The following BID variants were observed in gnomAD, a reference collection of about 807,000 sequenced individuals.
BID encodes BH3-interacting domain death agonist.
In BID, 19 loss-of-function variants were observed where a neutral mutation model predicts 17.4. The observed-to-expected ratio is 1.09, with a 90% CI of 0.76 to 1.60. The LOEUF is 1.60. Ranked by LOEUF, BID falls within the 40% of genes most tolerant of loss-of-function variation. The pLI is 0.00. For synonymous variants in BID, 108 were observed against 102.8 expected, an observed-to-expected ratio of 1.05 and a Z score of -0.31; for missense variants, 226 against 256.0, an observed-to-expected ratio of 0.88 and a Z score of 0.80.
chr22:17,755,657 C>G (rs1034743266), intron 1 of BID, among the ~76,000 whole-genome samples: 5 of 151,716 alleles, frequency 3.3e-5, no homozygotes, highest in African/African-American at 1.2e-4. Flanking sequence ...AAAAATTAGC[C>G]GGGTGTGGTG....
Position 17,735,429 on chromosome 22 carries a change from A to ACC in BID, c.*150_*151insGG. On this transcript the variant is annotated 3_prime_UTR_variant, in exon 6 of 6. Transcript: ENST00000622694. Reference sequence around the variant, plus strand: ...TATTTTAAAGTGGGTTATAAGTTTAACATTGTCTTTAAAATAGAAGTCACA... The same window carrying ACC: ...TATTTTAAAGTGGGTTATAAGTTTAACCCATTGTCTTTAAAATAGAAGTCACA... The ACC allele has an allele frequency of 7.4e-6, 6 of 810,566 alleles. No homozygotes were observed. The highest frequency in any genetic ancestry group is 1.2e-5 in the Non-Finnish European group (6 of 503,938). The allele number at this position is 810,566 out of a possible 1,614,324, so 50.2% of individuals were successfully genotyped here.
At chr22:17,772,856 A>C (rs1601888993) in intron 1 of BID, among the ~76,000 whole-genome samples, 2 of 146,062 alleles carry the variant, frequency 1.4e-5, no homozygotes, top group East Asian at 2.0e-4. Context: ...CCCCCATACC[A>C]CCCTGGGGCC....
intron 1 of BID, among the ~76,000 whole-genome samples, chr22:17,765,266 G>T (rs940452077): frequency 1.3e-5 from 2 of 152,088 alleles, no homozygotes; most frequent in Non-Finnish European, 2.9e-5. Flanking sequence ...CTGTGAGGTA[G>T]GTCAGTATGA....
chr22:17,769,017 G>C lies in BID; in HGVS notation c.-59+5364C>G, dbSNP rs1700126004. The stretch of plus-strand genomic sequence containing the variant: ...AGATCGTGCCACTGCACTCCAGCCT[G>C]GGCGACAGAGTGAGACTCGTCTCAA... On this transcript the variant is annotated intron_variant, in intron 1 of 5. Coordinates refer to ENST00000622694, the MANE Select transcript of BID (RefSeq NM_001196.4). The surrounding 1 kb of genome is among the most constrained non-coding windows in gnomAD (Gnocchi z 4.8). Among the ~76,000 whole-genome samples, 1 of 151,978 alleles carries C rather than the reference G, an allele frequency of 6.6e-6. No individual in the cohort carries two copies. Among genetic ancestry groups the C allele is most frequent in the Non-Finnish European group, 1.5e-5 (1 of 68,000 alleles).
chr22:17,752,758 C>A (rs1303291869), intron 1 of BID, among the ~76,000 whole-genome samples: 1 of 152,022 alleles, frequency 6.6e-6, no homozygotes, highest in African/African-American at 2.4e-5. Flanking sequence ...CTCCACTTCC[C>A]GGGTTCCAGG....
intron 2 of BID, among the ~76,000 whole-genome samples, 173 bp downstream of exon 2, chr22:17,749,932 C>T (rs540977933): frequency 1.3e-5 from 2 of 152,360 alleles, no homozygotes; most frequent in South Asian, 2.1e-4. Flanking sequence ...TAGGACTTCC[C>T]GGCTCCCGCC....
intron 1 of BID, among the ~76,000 whole-genome samples, chr22:17,768,085 A>G (rs1389183069): frequency 6.6e-6 from 1 of 152,248 alleles, no homozygotes; most frequent in East Asian, 1.9e-4. Context: ...GTGCAACTCC[A>G]TAGACAGAAA....
intron 1 of BID, among the ~76,000 whole-genome samples, chr22:17,753,268 C>T (rs8139082): frequency 9.0e-4 from 137 of 152,248 alleles, no homozygotes; most frequent in African/African-American, 3.2e-3. Context: ...GCCCAGCCCC[C>T]CAATGGGACA....
chr22:17,754,120 G>C (rs186402182), intron 1 of BID, among the ~76,000 whole-genome samples: 23 of 151,878 alleles, frequency 1.5e-4, no homozygotes, highest in African/African-American at 5.6e-4. Flanking sequence ...AGATGGGGGT[G>C]ACATTCCCCC....
At chr22:17,760,045 A>G (rs2061624969) in intron 1 of BID, among the ~76,000 whole-genome samples, 1 of 150,834 alleles carries the variant, frequency 6.6e-6, no homozygotes. Context: ...GAGGCAGGAG[A>G]ATGGCGTGAA....
intron 1 of BID, among the ~76,000 whole-genome samples, chr22:17,762,573 C>T (rs1313328324): frequency 8.6e-6 from 1 of 116,260 alleles, no homozygotes; most frequent in Admixed American, 8.7e-5. Flanking sequence ...TTTTTGGAGA[C>T]AGGGTCTCAC....
intron 1 of BID, among the ~76,000 whole-genome samples, chr22:17,761,119 T>C (rs1601871588): frequency 6.6e-6 from 1 of 152,214 alleles, no homozygotes; most frequent in East Asian, 1.9e-4. Flanking sequence ...ATGTCTATGG[T>C]ATTTTTCTTT....
At position 17,735,001 on chromosome 22, in the gene BID, A is replaced by G. The variant is rs1317380778; in HGVS notation, c.*579T>C. On this transcript the variant is annotated 3_prime_UTR_variant, in exon 6 of 6. Transcript: ENST00000622694. Reference sequence around the variant, plus strand: ...GGACTTCCCATCATTTGAGTGCAGCACTTTAGTTCAGAATCTCTGTGCCAT... The same window carrying G: ...GGACTTCCCATCATTTGAGTGCAGCGCTTTAGTTCAGAATCTCTGTGCCAT... 1 of 152,454 alleles carries G rather than the reference A, an allele frequency of 6.6e-6. No individual in the cohort carries two copies. Among genetic ancestry groups the G allele is most frequent in the African/African-American group, 2.4e-5 (1 of 41,442 alleles). The allele number at this position is 152,454 out of a possible 1,614,324, so 9.4% of individuals were successfully genotyped here. A position where few individuals can be genotyped will look rare whatever the true frequency, so the allele number is the denominator to read the frequency against.
intron 1 of BID, among the ~76,000 whole-genome samples, 172 bp downstream of exon 1, chr22:17,774,209 G>A (rs1569057399): frequency 6.6e-6 from 1 of 151,678 alleles, no homozygotes; most frequent in Non-Finnish European, 1.5e-5. Context: ...CCGGCCCTCA[G>A]GTCGCTGCTG....
At chr22:17,756,878 G>T (rs2061595148) in intron 1 of BID, among the ~76,000 whole-genome samples, 1 of 152,042 alleles carries the variant, frequency 6.6e-6, no homozygotes, top group South Asian at 2.1e-4. Context: ...CGGCCGCAAA[G>T]GATTCTTTAA....
At chr22:17,759,250 A>AAAAAAAAACAAAAC (rs1569049672) in intron 1 of BID, among the ~76,000 whole-genome samples, 2 of 148,306 alleles carry the variant, frequency 1.3e-5, no homozygotes, top group African/African-American at 5.0e-5. Context: ...ACAAAACAAA[A>AAAAAAAAACAAAAC]AAAAAAAAAC....
intron 3 of BID, among the ~76,000 whole-genome samples, chr22:17,742,685 G>A (rs945742066): frequency 6.6e-6 from 1 of 152,192 alleles, no homozygotes; most frequent in Non-Finnish European, 1.5e-5. Flanking sequence ...TTCTACCTGC[G>A]TCAGAATCCT....
Position 17,750,156 on chromosome 22 carries a change from AC to A in BID, c.-41del. ...GGCAGCTCCGACTCACTCCTGGTTC[AC>A]AGTGTCCCAGTGGCGACCTGGAAAG... On this transcript the variant is annotated 5_prime_UTR_variant, in exon 2 of 6. Transcript: ENST00000622694. The A allele has an allele frequency of 6.2e-7, 1 of 1,613,052 alleles. No individual in the cohort carries two copies. Among genetic ancestry groups the A allele is most frequent in the Non-Finnish European group, 8.5e-7 (1 of 1,179,836 alleles).
chr22:17,738,437 T>C (rs112131980), intron 4 of BID, among the ~76,000 whole-genome samples: 69 of 152,254 alleles, frequency 4.5e-4, no homozygotes, highest in African/African-American at 1.4e-3. Context: ...AGCAAACGCA[T>C]GTGTGGTGAG....
Sources: gnomAD v4.1 joint callset for allele counts (sites outside exome capture counted in the v4.1 genomes callset) on GRCh38, gnomAD v4.1.1 for gene constraint, Gnocchi (gnomAD v3.1) non-coding constraint, MANE v1.5 for transcripts, NCBI Gene and HGNC (gene_info 2026-07-23, HGNC 2026-07-21) for gene names.